Variants in MAGI2 observed in about 807,000 individuals in gnomAD.
MAGI2 encodes membrane-associated guanylate kinase, WW and PDZ domain-containing protein 2.
Under a neutral mutation model 133.3 loss-of-function variants are expected in MAGI2, and 35 were observed. That is an observed-to-expected ratio of 0.26 (90% CI 0.20 to 0.35). The LOEUF is 0.35. Ranked by LOEUF, MAGI2 falls within the 10% of genes least tolerant of loss-of-function variation. MAGI2 has a pLI of 1.00. For synonymous variants in MAGI2, 729 were observed against 710.6 expected, an observed-to-expected ratio of 1.03 and a Z score of -0.41; for missense variants, 1,636 against 1,863.4, an observed-to-expected ratio of 0.88 and a Z score of 2.25.
intron 9 of MAGI2, among the ~76,000 whole-genome samples, chr7:78,296,919 T>C (rs1480296939): frequency 6.6e-6 from 1 of 152,168 alleles, no homozygotes; most frequent in Non-Finnish European, 1.5e-5. Context: ...AGTGCTTTTT[T>C]ACACAGGGCA....
At chr7:78,702,708 T>C (rs951726255) in intron 2 of MAGI2, among the ~76,000 whole-genome samples, 2 of 151,966 alleles carry the variant, frequency 1.3e-5, no homozygotes, top group African/African-American at 4.8e-5. Context: ...GTGATTAGAT[T>C]TGGAGGTAGA....
chr7:78,757,241 G>A (rs1169570105), intron 2 of MAGI2, among the ~76,000 whole-genome samples: 2 of 151,736 alleles, frequency 1.3e-5, no homozygotes, highest in South Asian at 2.1e-4. Context: ...TGCATCTTAT[G>A]CTCTAAGACC....
At chr7:79,292,418 T>G (rs1417731903) in intron 1 of MAGI2, among the ~76,000 whole-genome samples, 3 of 151,902 alleles carry the variant, frequency 2.0e-5, no homozygotes, top group Non-Finnish European at 4.4e-5. Flanking sequence ...GGTCAGGGGT[T>G]TGAGACCAGC....
chr7:78,829,772 T>C (rs1790982533), intron 2 of MAGI2, among the ~76,000 whole-genome samples: 2 of 152,214 alleles, frequency 1.3e-5, no homozygotes, highest in Admixed American at 1.3e-4. Flanking sequence ...AAAATATATA[T>C]CCAAAAGTTC....
chr7:78,363,511 G>GATAATAATAATAATAATAATAATGATA (rs10570471), intron 7 of MAGI2, among the ~76,000 whole-genome samples: 3 of 147,788 alleles, frequency 2.0e-5, no homozygotes, highest in African/African-American at 7.4e-5. Context: ...TAATAATAAT[G>GATAATAATAATAATAATAATAATGATA]ATAATAATAA....
At chr7:78,914,073 A>C (rs1371553357) in intron 2 of MAGI2, among the ~76,000 whole-genome samples, 2 of 152,180 alleles carry the variant, frequency 1.3e-5, no homozygotes, top group African/African-American at 4.8e-5. Context: ...TTGCAGATTG[A>C]GCTAATGCTA....
At chr7:78,446,571 T>C (rs1788163233) in intron 6 of MAGI2, among the ~76,000 whole-genome samples, 1 of 152,028 alleles carries the variant, frequency 6.6e-6, no homozygotes, top group Admixed American at 6.6e-5. Flanking sequence ...AAGTATCAAT[T>C]AAAGGAACTC....
intron 4 of MAGI2, among the ~76,000 whole-genome samples, chr7:78,508,022 G>A (rs150250691): frequency 3.9e-5 from 6 of 152,290 alleles, no homozygotes; most frequent in African/African-American, 1.4e-4. Flanking sequence ...TCTATTTCAG[G>A]CTTCTCTCTT....
At chr7:79,043,272 C>T (rs776728617) in intron 1 of MAGI2, among the ~76,000 whole-genome samples, 2 of 151,908 alleles carry the variant, frequency 1.3e-5, no homozygotes, top group Non-Finnish European at 2.9e-5. Flanking sequence ...AGGTCGGGTG[C>T]AGTGGCTCAC....
At chr7:78,232,236 A>G (rs1440933079) in intron 10 of MAGI2, among the ~76,000 whole-genome samples, 1 of 152,200 alleles carries the variant, frequency 6.6e-6, no homozygotes, top group Non-Finnish European at 1.5e-5. Flanking sequence ...GGTAGGAACA[A>G]TGTAATCTTG....
intron 2 of MAGI2, among the ~76,000 whole-genome samples, chr7:78,685,466 GTTTT>G (rs5885086): frequency 2.1e-4 from 30 of 141,626 alleles, no homozygotes; most frequent in East Asian, 1.2e-3. Context: ...TGTCATTGTC[GTTTT>G]TTTTTTTTTT....
At chr7:78,453,867 G>A (rs1584206278) in intron 6 of MAGI2, among the ~76,000 whole-genome samples, 1 of 151,954 alleles carries the variant, frequency 6.6e-6, no homozygotes, top group African/African-American at 2.4e-5. Context: ...GATTTCCTTT[G>A]TTCTGTTCCT....
intron 1 of MAGI2, among the ~76,000 whole-genome samples, chr7:79,269,167 G>A (rs770204412): frequency 1.1e-4 from 16 of 152,124 alleles, no homozygotes; most frequent in African/African-American, 1.9e-4. Flanking sequence ...AGTTCTCTCC[G>A]CTTTTTGAGA....
chr7:79,339,458 G>GTTTTTTTTTTTTTTTTT (rs1474615393), intron 1 of MAGI2, among the ~76,000 whole-genome samples: 1 of 103,398 alleles, frequency 9.7e-6, no homozygotes, highest in African/African-American at 5.4e-5. Flanking sequence ...GTTTGTTTTT[G>GTTTTTTTTTTTTTTTTT]TTTTTGTTTT....
intron 21 of MAGI2, among the ~76,000 whole-genome samples, chr7:78,051,237 G>T (rs1584947947): frequency 1.3e-5 from 2 of 152,312 alleles, no homozygotes; most frequent in Admixed American, 6.5e-5. Context: ...CTTCCCCAAA[G>T]AAATACAGTA....
chr7:78,629,193 T>A (rs1808694573), intron 2 of MAGI2, among the ~76,000 whole-genome samples: 1 of 152,156 alleles, frequency 6.6e-6, no homozygotes, highest in Non-Finnish European at 1.5e-5. Context: ...GCTTTCCATC[T>A]CCATCTTGCA....
intron 3 of MAGI2, among the ~76,000 whole-genome samples, chr7:78,522,556 T>A (rs188642728): frequency 4.6e-5 from 7 of 152,124 alleles, no homozygotes; most frequent in African/African-American, 1.7e-4. Flanking sequence ...ATTTTTGTAT[T>A]TTTAGTAGAG....
rs192870468 is a variant in MAGI2, at chr7:78,387,398, A to T, written c.1046-18185T>A. Among the ~76,000 whole-genome samples, 371 of 152,334 alleles carry T rather than the reference A, an allele frequency of 2.4e-3. 5 individuals are homozygous for T. The highest frequency in any genetic ancestry group is 8.6e-3 in the African/African-American group (357 of 41,586). On this transcript the variant is annotated intron_variant, in intron 6 of 21. Coordinates refer to ENST00000354212, the MANE Select transcript of MAGI2 (RefSeq NM_012301.4). ...ACAGACCCACTCACATCACCATAGG[A>T]TACCTATTCCTTTTATTGTTTGGCA...
At chr7:78,237,659 T>C (rs1010457193) in intron 10 of MAGI2, among the ~76,000 whole-genome samples, 1 of 152,176 alleles carries the variant, frequency 6.6e-6, no homozygotes, top group Non-Finnish European at 1.5e-5. Context: ...TTATTTTTTT[T>C]ATGGATTTCT....
Sources: allele counts gnomAD v4.1 joint callset (sites outside exome capture counted in the v4.1 genomes callset), GRCh38; gene constraint gnomAD v4.1.1; transcripts MANE v1.5; gene names NCBI Gene and HGNC (gene_info 2026-07-23, HGNC 2026-07-21).